CARF: variants seen among roughly 807,000 people sequenced by gnomAD.
CARF encodes the protein calcium-responsive transcription factor.
In CARF, 57 loss-of-function variants were observed where a neutral mutation model predicts 82.0. The observed-to-expected ratio is 0.70, with a 90% CI of 0.56 to 0.87. CARF has a LOEUF of 0.87. Among genes scored for constraint, CARF ranks in the 40% least tolerant of loss-of-function variants. The pLI is 0.00. For missense variants in CARF, 771 were observed against 855.8 expected, an observed-to-expected ratio of 0.90 and a Z score of 1.24; for synonymous variants, 268 against 290.1, an observed-to-expected ratio of 0.92 and a Z score of 0.77.
In CARF at chr2:202,981,559, T is replaced by C; in HGVS notation, c.1563T>C (p.Asn521=). The stretch of plus-strand genomic sequence containing the variant: ...AGTTTCTTTAATATAATTTAGGAAA[T>C]TCACCAGGAGAATCAATTACCACCA... ...ETMTVTFAEG[N]SPGESITTKV... Residue 521 remains asparagine, a synonymous_variant, in exon 15 of 17, where the codon AAT becomes AAC. Transcript: ENST00000438828. The C allele has an allele frequency of 6.3e-7, 1 of 1,586,614 alleles. No homozygotes were observed. Among genetic ancestry groups the C allele is most frequent in the Non-Finnish European group, 8.6e-7 (1 of 1,166,626 alleles).
At chr2:202,957,791 C>T (rs1440411413) in intron 8 of CARF, among the ~76,000 whole-genome samples, 1 of 152,060 alleles carries the variant, frequency 6.6e-6, no homozygotes, top group Admixed American at 6.6e-5. Flanking sequence ...CCCATCTCTG[C>T]TAAAAATACA....
At chr2:202,974,037 G>A (rs1159250309) in intron 12 of CARF, among the ~76,000 whole-genome samples, 2 of 151,666 alleles carry the variant, frequency 1.3e-5, no homozygotes, top group African/African-American at 4.9e-5. Context: ...GCAGTGAGCC[G>A]AGATCACACC....
intron 3 of CARF, among the ~76,000 whole-genome samples, chr2:202,931,264 T>G (rs114393235): frequency 0.089 from 13,549 of 152,228 alleles, 743 homozygotes; most frequent in Non-Finnish European, 0.12. Flanking sequence ...GAGCCACTGC[T>G]CCCGGCCATG....
intron 1 of CARF, among the ~76,000 whole-genome samples, chr2:202,914,875 G>A (rs1689318905): frequency 1.3e-5 from 2 of 151,882 alleles, no homozygotes; most frequent in Admixed American, 6.6e-5. Flanking sequence ...AGCTTATAGT[G>A]AGAATAAACC....
At position 202,947,325 on chromosome 2, in the gene CARF, A is replaced by C. The variant is rs143343253; in HGVS notation, c.306+4358A>C. On this transcript the variant is annotated intron_variant, in intron 5 of 16. Coordinates refer to ENST00000438828, the MANE Select transcript of CARF (RefSeq NM_024744.17). Reference sequence around the variant, plus strand: ...AAAAGAATGAGTTCATGTCCTTTGCAGGGACATGGCTGAAGCTGGAAACCA... The same window carrying C: ...AAAAGAATGAGTTCATGTCCTTTGCCGGGACATGGCTGAAGCTGGAAACCA... Among the ~76,000 whole-genome samples the C allele has an allele frequency of 9.2e-5, 14 of 152,318 alleles. No individual in the cohort carries two copies. In the East Asian group the frequency reaches 2.5e-3, roughly 27 times the overall value.
At chr2:202,914,457 A>G (rs921895260) in intron 1 of CARF, among the ~76,000 whole-genome samples, 4 of 152,162 alleles carry the variant, frequency 2.6e-5, no homozygotes, top group African/African-American at 9.7e-5. Context: ...AAACAGAGAC[A>G]AGAAGATCTA....
intron 14 of CARF, among the ~76,000 whole-genome samples, chr2:202,979,014 T>C (rs1254576723): frequency 6.6e-6 from 1 of 152,192 alleles, no homozygotes; most frequent in East Asian, 1.9e-4. Context: ...CCCAGCACTT[T>C]GGGAGGCCAA....
intron 2 of CARF, among the ~76,000 whole-genome samples, chr2:202,922,405 C>T (rs1691000806): frequency 6.6e-6 from 1 of 152,172 alleles, no homozygotes. Context: ...GCATGAGCTA[C>T]CAGCCTGGCC....
chr2:202,916,542 T>G (rs377458294), intron 1 of CARF, among the ~76,000 whole-genome samples: 1 of 152,148 alleles, frequency 6.6e-6, no homozygotes, highest in Admixed American at 6.6e-5. Flanking sequence ...GATTTAAAGA[T>G]CTTTTACATC....
intron 5 of CARF, among the ~76,000 whole-genome samples, chr2:202,949,993 G>T (rs1474273999): frequency 2.0e-5 from 3 of 152,170 alleles, no homozygotes; most frequent in Non-Finnish European, 2.9e-5. Context: ...GTAGGTAAAA[G>T]ACCACTCAGC....
At position 202,926,245 on chromosome 2, in the gene CARF, T is replaced by G. The variant is rs569227310; in HGVS notation, c.-44+1830T>G. Among the ~76,000 whole-genome samples, 3 of 152,206 alleles carry G rather than the reference T, an allele frequency of 2.0e-5. No individual in the cohort carries two copies. In the East Asian group the frequency reaches 5.8e-4, roughly 29 times the overall value. Reference sequence around the variant, plus strand: ...AGCCCACCCTTAAGGGAACCTAGGGTGGTTCCTAGACGACCGCCTCTTTTT... The same window carrying G: ...AGCCCACCCTTAAGGGAACCTAGGGGGGTTCCTAGACGACCGCCTCTTTTT... On this transcript the variant is annotated intron_variant, in intron 3 of 16. Transcript: ENST00000438828.
At chr2:202,916,246 T>C (rs1042259585) in intron 1 of CARF, among the ~76,000 whole-genome samples, 2 of 152,016 alleles carry the variant, frequency 1.3e-5, no homozygotes, top group Admixed American at 1.3e-4. Context: ...CGTGGCACAA[T>C]CTTGGCTCCC....
intron 9 of CARF, among the ~76,000 whole-genome samples, chr2:202,965,160 ATATTCTGGGTTTTGCT>A (rs1227758884): frequency 6.6e-6 from 1 of 151,984 alleles, no homozygotes; most frequent in Non-Finnish European, 1.5e-5. Flanking sequence ...AATATTTGCC[ATATTCTGGGTTTTGCT>A]TATTCCATCT....
Position 202,920,305 on chromosome 2 carries a change from A to G in CARF, c.-163+2262A>G, listed in dbSNP as rs372642922. On this transcript the variant is annotated intron_variant, in intron 2 of 16. Transcript: ENST00000438828. ...GTAGCTGGGACTACAGGCGCCCACCATCATGCCCGGCTAATGTTTTTTTGT... is the reference window on the plus strand; with the variant it reads ...GTAGCTGGGACTACAGGCGCCCACCGTCATGCCCGGCTAATGTTTTTTTGT... 5.9e-5 allele frequency among the ~76,000 whole-genome samples: 9 copies of G among 152,018 alleles called. No individual in the cohort carries two copies. In the South Asian group the frequency reaches 6.3e-4, roughly 11 times the overall value.
At chr2:202,913,644 TTTACACA>T (rs1689076014) in intron 1 of CARF, among the ~76,000 whole-genome samples, 1 of 152,226 alleles carries the variant, frequency 6.6e-6, no homozygotes, top group African/African-American at 2.4e-5. Context: ...GTGGTGAGGA[TTTACACA>T]TTAAATAAGT....
chr2:202,954,217 C>G, intron 7 of CARF, 83 bp downstream of exon 7: 1 of 1,424,812 alleles, frequency 7.0e-7, no homozygotes, highest in Admixed American at 2.3e-5. Context: ...AGCTGGCAGA[C>G]TATAGAGAAA....
rs1491098285 is a variant in CARF at position 202,986,868 on chromosome 2, G to GTATGTATATATATATATATATA, written c.*3247_*3248insGTATATATATATATATATATAT. 6.7e-5 allele frequency: 2 copies of GTATGTATATATATATATATATA among 29,638 alleles called. No homozygotes were observed. The highest frequency in any genetic ancestry group is 1.5e-4 in the African/African-American group (2 of 13,012). The allele number at this position is 29,638 out of a possible 1,614,324, so 1.8% of individuals were successfully genotyped here. On this transcript the variant is annotated 3_prime_UTR_variant, in exon 17 of 17. Coordinates refer to ENST00000438828, the MANE Select transcript of CARF (RefSeq NM_024744.17). ...AAAGAGGTTTAAAAAATGTCTGTGC[G>GTATGTATATATATATATATATA]TATATATATATATATATATATATAT...
At position 202,988,238 on chromosome 2, in the gene CARF, A is replaced by G. The variant is rs2060498467; in HGVS notation, c.*4614A>G. Reference sequence around the variant, plus strand: ...TAATAGTTCTAGGCTATTATGAATAAAGTTTCCATGAACATCTATGTACAA... The same window carrying G: ...TAATAGTTCTAGGCTATTATGAATAGAGTTTCCATGAACATCTATGTACAA... On this transcript the variant is annotated 3_prime_UTR_variant, in exon 17 of 17. Transcript: ENST00000438828. 6.6e-6 allele frequency among the ~76,000 whole-genome samples: 1 copy of G among 152,196 alleles called. No homozygotes were observed. Among genetic ancestry groups the G allele is most frequent in the African/African-American group, 2.4e-5 (1 of 41,442 alleles).
intron 4 of CARF, 169 bp from the exon 5 acceptor site, chr2:202,942,571 C>A: frequency 1.4e-6 from 1 of 704,576 alleles, no homozygotes; most frequent in Non-Finnish European, 1.7e-6. Context: ...GTATAATAAT[C>A]AACAATTTTA....
Sources: gnomAD v4.1 joint callset for allele counts (sites outside exome capture counted in the v4.1 genomes callset) on GRCh38, gnomAD v4.1.1 for gene constraint, MANE v1.5 for transcripts, NCBI Gene and HGNC (gene_info 2026-07-23, HGNC 2026-07-21) for gene names.